CD8B: variants seen among roughly 807,000 people sequenced by gnomAD.
CD8B encodes the protein T-cell surface glycoprotein CD8 beta chain.
In CD8B, 6 loss-of-function variants were observed where a neutral mutation model predicts 24.2. The ratio of observed to expected loss-of-function variants is 0.25; its 90% CI spans 0.14 to 0.49. CD8B has a LOEUF of 0.49. Ranked by LOEUF, CD8B falls within the 20% of genes least tolerant of loss-of-function variation. The pLI is 0.98. For missense variants in CD8B, 196 were observed against 271.3 expected, an observed-to-expected ratio of 0.72 and a Z score of 1.95; for synonymous variants, 84 against 108.3, an observed-to-expected ratio of 0.78 and a Z score of 1.39.
chr2:86,835,116 T>A (rs1675125572), downstream of CD8B, among the ~76,000 whole-genome samples: 1 of 152,152 alleles, frequency 6.6e-6, no homozygotes, highest in African/African-American at 2.4e-5. Context: ...TGGCGGACTT[T>A]CTGATGGAGG....
intron 5 of CD8B, among the ~76,000 whole-genome samples, chr2:86,831,492 A>G (rs538771948): frequency 1.1e-4 from 17 of 152,346 alleles, no homozygotes; most frequent in Admixed American, 1.0e-3. Context: ...TGATCAGTAA[A>G]TATCTAGCAG....
At chr2:86,821,766 T>G (rs1324771602) in intron 5 of CD8B, 1 of 429,696 alleles carries the variant, frequency 2.3e-6, no homozygotes, top group Non-Finnish European at 4.8e-6. Flanking sequence ...AGAGCCCCGC[T>G]GCAGCAGGGG....
chr2:86,832,158 T>C (rs1674926788), intron 5 of CD8B, among the ~76,000 whole-genome samples: 1 of 152,072 alleles, frequency 6.6e-6, no homozygotes, highest in South Asian at 2.1e-4. Context: ...AGAAAATAAA[T>C]TACCTTGAGT....
chr2:86,855,502 A>G (rs987424442), intron 2 of CD8B, among the ~76,000 whole-genome samples: 2 of 152,212 alleles, frequency 1.3e-5, no homozygotes, highest in African/African-American at 4.8e-5. Flanking sequence ...CAGTATCTGC[A>G]CCAAAAGACC....
At chr2:86,844,116 T>A (rs1349829772) in intron 5 of CD8B, among the ~76,000 whole-genome samples, 18 of 152,124 alleles carry the variant, frequency 1.2e-4, no homozygotes, top group African/African-American at 4.1e-4. Context: ...AACAGCCTCA[T>A]GAAAGACCCA....
chr2:86,823,857 G>T (rs1049083848), intron 5 of CD8B, among the ~76,000 whole-genome samples: 1 of 152,110 alleles, frequency 6.6e-6, no homozygotes, highest in African/African-American at 2.4e-5. Context: ...CACCGCCCCA[G>T]GGCCTCCTGG....
At chr2:86,826,706 T>G (rs1210153263) in intron 5 of CD8B, among the ~76,000 whole-genome samples, 1 of 152,128 alleles carries the variant, frequency 6.6e-6, no homozygotes, top group African/African-American at 2.4e-5. Context: ...GACGACAGTG[T>G]CGCTCTCGCC....
intron 3 of CD8B, among the ~76,000 whole-genome samples, chr2:86,847,894 T>G (rs991695118): frequency 2.6e-5 from 4 of 152,184 alleles, no homozygotes; most frequent in African/African-American, 9.7e-5. Flanking sequence ...AAAAAATATA[T>G]AGAGTGGATT....
At chr2:86,846,569 G>A (rs1197210629) in intron 4 of CD8B, 115 bp downstream of exon 4, 1 of 618,200 alleles carries the variant, frequency 1.6e-6, no homozygotes, top group Admixed American at 3.4e-5. Context: ...TAGGTTCTCT[G>A]AGGCAAATTC....
intron 3 of CD8B, among the ~76,000 whole-genome samples, chr2:86,852,011 C>T (rs1252098420): frequency 2.0e-5 from 3 of 152,198 alleles, no homozygotes; most frequent in East Asian, 1.9e-4. Flanking sequence ...CTCTATCACC[C>T]AGGCTGGAGT....
chr2:86,846,837 A>G, intron 3 of CD8B, 64 bp from the exon 4 acceptor site: 4 of 1,158,960 alleles, frequency 3.5e-6, no homozygotes, highest in Non-Finnish European at 5.1e-6. Context: ...ACACGCAGAA[A>G]AATACAAGGA....
At chr2:86,837,866 A>G (rs984604467), downstream of CD8B, among the ~76,000 whole-genome samples, 7 of 152,248 alleles carry the variant, frequency 4.6e-5, no homozygotes, top group South Asian at 4.1e-4. Context: ...ACAGAAAAGG[A>G]AGTACTATAG....
At chr2:86,822,132 A>G (rs1016818978) in intron 5 of CD8B, among the ~76,000 whole-genome samples, 2 of 151,832 alleles carry the variant, frequency 1.3e-5, no homozygotes, top group Admixed American at 6.6e-5. Context: ...TATAGCATCA[A>G]CTCTCCTTTA....
intron 4 of CD8B, 125 bp downstream of exon 4, chr2:86,846,559 T>C: frequency 1.6e-6 from 1 of 609,744 alleles, no homozygotes; most frequent in Non-Finnish European, 2.9e-6. Context: ...GGAAATACCG[T>C]AGGTTCTCTG....
chr2:86,820,770 A>C (rs1227790491), intron 5 of CD8B, among the ~76,000 whole-genome samples: 4 of 152,218 alleles, frequency 2.6e-5, no homozygotes, highest in African/African-American at 9.7e-5. Context: ...GATTTAGGCT[A>C]GTCTCAAAAA....
At chr2:86,818,978 T>C (rs1415168698) in intron 5 of CD8B, among the ~76,000 whole-genome samples, 1 of 152,220 alleles carries the variant, frequency 6.6e-6, no homozygotes, top group Non-Finnish European at 1.5e-5. Context: ...ATTGCTGATA[T>C]GGAGAGAGTT....
intron 2 of CD8B, among the ~76,000 whole-genome samples, chr2:86,857,758 C>T (rs545776855): frequency 1.7e-4 from 26 of 152,230 alleles, no homozygotes; most frequent in Non-Finnish European, 3.7e-4. Flanking sequence ...AAAAGAGAAG[C>T]ACAATGCTCA....
intron 2 of CD8B, among the ~76,000 whole-genome samples, chr2:86,856,274 A>T (rs1676246777): frequency 6.6e-6 from 1 of 152,108 alleles, no homozygotes; most frequent in African/African-American, 2.4e-5. Context: ...AGCTCTGGAA[A>T]CTAGCTGTGT....
At position 86,844,872 on chromosome 2, in the gene CD8B, C is replaced by T. The variant is rs552731173; in HGVS notation, c.620+50G>A. ...CCTCGCTGCAGTTAGAGGCTGCAAG[C>T]TGCAGCAGGGGCTGAGGAACCCAAG... On this transcript the variant is annotated intron_variant, in intron 5 of 5. Transcript: ENST00000390655. 22 of 1,555,526 alleles carry T rather than the reference C, an allele frequency of 1.4e-5. No individual in the cohort carries two copies. In the Admixed American group the frequency reaches 1.6e-4, roughly 11 times the overall value.
Sources: gnomAD v4.1 joint callset for allele counts (sites outside exome capture counted in the v4.1 genomes callset) on GRCh38, gnomAD v4.1.1 for gene constraint, MANE v1.5 for transcripts, NCBI Gene and HGNC (gene_info 2026-07-23, HGNC 2026-07-21) for gene names.